The following PARN variants were observed in gnomAD, a reference collection of about 807,000 sequenced individuals.
The protein encoded by PARN is poly(A)-specific ribonuclease PARN.
A neutral mutation model predicts 102.8 loss-of-function variants in PARN; 71 were observed. That is an observed-to-expected ratio of 0.69 (90% CI 0.57 to 0.84). The LOEUF (loss-of-function observed/expected upper bound fraction) is 0.84. Ranked by LOEUF, PARN falls within the 40% of genes least tolerant of loss-of-function variation. The pLI is 0.00. For missense variants in PARN, 782 were observed against 760.9 expected, an observed-to-expected ratio of 1.03 and a Z score of -0.33; for synonymous variants, 261 against 252.9, an observed-to-expected ratio of 1.03 and a Z score of -0.30.
At chr16:14,450,537 T>C (rs541308563) in intron 22 of PARN, among the ~76,000 whole-genome samples, 179 of 151,888 alleles carry the variant, frequency 1.2e-3, no homozygotes, top group African/African-American at 3.7e-3. Flanking sequence ...CACACACACA[T>C]ATATATATAC....
intron 21 of PARN, among the ~76,000 whole-genome samples, chr16:14,516,476 C>T (rs910488337): frequency 3.3e-5 from 5 of 152,104 alleles, no homozygotes; most frequent in Non-Finnish European, 4.4e-5. Context: ...AAAAATTCAG[C>T]GCATCTGGTC....
At chr16:14,577,361 CAT>C (rs1193682920) in intron 18 of PARN, among the ~76,000 whole-genome samples, 5 of 152,164 alleles carry the variant, frequency 3.3e-5, no homozygotes, top group Admixed American at 2.0e-4. Flanking sequence ...TCAGTATTAA[CAT>C]AGAAAGAGAT....
chr16:14,510,310 T>G (rs1306934642), intron 21 of PARN, among the ~76,000 whole-genome samples: 1 of 152,220 alleles, frequency 6.6e-6, no homozygotes, highest in African/African-American at 2.4e-5. Flanking sequence ...CATATTCTCC[T>G]AACTGTAAAC....
chr16:14,582,171 T>C lies in PARN; in HGVS notation c.1192+10A>G, dbSNP rs1431920646. On this transcript the variant is annotated intron_variant, in intron 17 of 23. Coordinates refer to ENST00000437198, the MANE Select transcript of PARN (RefSeq NM_002582.4). ...ACTGCGTGTTTGACTGAAAGACATG[T>C]AATGCGTACCTAGGTAATTGGCCAT... is the stretch of plus-strand genomic sequence containing the variant. 1.3e-5 allele frequency: 20 copies of C among 1,526,732 alleles called. No homozygotes were observed. Among genetic ancestry groups the C allele is most frequent in the Admixed American group, 1.0e-4 (6 of 59,890 alleles). The allele number at this position is 1,526,732 out of a possible 1,614,324, so 94.6% of individuals were successfully genotyped here. A position where few individuals can be genotyped will look rare whatever the true frequency, so the allele number is the denominator to read the frequency against.
chr16:14,611,626 T>C (rs1971524488), intron 6 of PARN, among the ~76,000 whole-genome samples: 1 of 152,132 alleles, frequency 6.6e-6, no homozygotes, highest in Non-Finnish European at 1.5e-5. Flanking sequence ...CTGCAACCTC[T>C]GCCTCCCAGG....
intron 21 of PARN, among the ~76,000 whole-genome samples, chr16:14,487,267 G>A (rs1024135314): frequency 2.0e-5 from 3 of 152,250 alleles, no homozygotes; most frequent in Non-Finnish European, 2.9e-5. Context: ...TTGAAACCAG[G>A]ATGTGGCATT....
At position 14,557,920 on chromosome 16, in the gene PARN, C is replaced by T. The variant is rs142848090; in HGVS notation, c.1263-2211G>A. 3.3e-5 allele frequency among the ~76,000 whole-genome samples: 5 copies of T among 152,246 alleles called. No individual in the cohort carries two copies. The East Asian group carries it at 5.8e-4, about 18-fold the overall frequency. ...CTTAAATATTATTTTCCAGCATAAACGATACACACTGGAACTATCATTATT... is the reference window on the plus strand; with the variant it reads ...CTTAAATATTATTTTCCAGCATAAATGATACACACTGGAACTATCATTATT... On this transcript the variant is annotated intron_variant, in intron 18 of 23. Coordinates refer to ENST00000437198, the MANE Select transcript of PARN (RefSeq NM_002582.4).
intron 21 of PARN, among the ~76,000 whole-genome samples, chr16:14,532,702 G>A (rs1966410121): frequency 6.6e-6 from 1 of 151,894 alleles, no homozygotes; most frequent in South Asian, 2.1e-4. Context: ...AGACGGGGGG[G>A]CGACCGGGCA....
At chr16:14,534,386 T>G (rs1966519224) in intron 21 of PARN, among the ~76,000 whole-genome samples, 1 of 151,992 alleles carries the variant, frequency 6.6e-6, no homozygotes, top group Non-Finnish European at 1.5e-5. Flanking sequence ...CAAAGATAAA[T>G]CAGTAAGAAA....
At chr16:14,617,069 T>G (rs1164312338) in intron 6 of PARN, among the ~76,000 whole-genome samples, 1 of 149,398 alleles carries the variant, frequency 6.7e-6, no homozygotes, top group Non-Finnish European at 1.5e-5. Context: ...TGTTTTTTGT[T>G]TTTTTTTAAA....
chr16:14,572,662 C>A (rs1190344618), intron 18 of PARN, among the ~76,000 whole-genome samples: 3 of 152,172 alleles, frequency 2.0e-5, no homozygotes, highest in African/African-American at 2.4e-5. Flanking sequence ...AGCCATCATG[C>A]TTCTATTACG....
intron 21 of PARN, among the ~76,000 whole-genome samples, chr16:14,514,861 C>G (rs1230021529): frequency 6.6e-6 from 1 of 152,142 alleles, no homozygotes; most frequent in Non-Finnish European, 1.5e-5. Context: ...CTGGAATAAG[C>G]AAGCATATAG....
At chr16:14,566,913 G>T (rs552946490) in intron 18 of PARN, among the ~76,000 whole-genome samples, 1 of 152,324 alleles carries the variant, frequency 6.6e-6, no homozygotes, top group African/African-American at 2.4e-5. Context: ...TGGCAATCAA[G>T]ATCACAAGGC....
At chr16:14,617,052 C>T (rs1971948874) in intron 6 of PARN, among the ~76,000 whole-genome samples, 1 of 146,844 alleles carries the variant, frequency 6.8e-6, no homozygotes, top group Non-Finnish European at 1.5e-5. Flanking sequence ...TAGCTCATGG[C>T]TGATTATGTT....
At chr16:14,563,178 T>C (rs987640457) in intron 18 of PARN, among the ~76,000 whole-genome samples, 2 of 152,198 alleles carry the variant, frequency 1.3e-5, no homozygotes, top group Admixed American at 6.5e-5. Context: ...AAATCACAGA[T>C]TTGATTCACA....
At chr16:14,560,824 G>T (rs1287343380) in intron 18 of PARN, among the ~76,000 whole-genome samples, 2 of 152,178 alleles carry the variant, frequency 1.3e-5, no homozygotes, top group Non-Finnish European at 2.9e-5. Context: ...GTGCTGGGTG[G>T]CACTCACAAA....
chr16:14,515,649 A>G (rs1965420777), intron 21 of PARN, among the ~76,000 whole-genome samples: 1 of 152,182 alleles, frequency 6.6e-6, no homozygotes, highest in Non-Finnish European at 1.5e-5. Flanking sequence ...ATGAAAGAAC[A>G]TTAAGGCTAG....
intron 6 of PARN, among the ~76,000 whole-genome samples, chr16:14,615,674 GTGA>G: frequency 6.6e-6 from 1 of 152,182 alleles, no homozygotes; most frequent in Non-Finnish European, 1.5e-5. Context: ...GCAAAGGTAA[GTGA>G]ATCACTTGAG....
chr16:14,550,551 A>G (rs1967230337), intron 21 of PARN, among the ~76,000 whole-genome samples: 1 of 152,210 alleles, frequency 6.6e-6, no homozygotes, highest in African/African-American at 2.4e-5. Flanking sequence ...CTGCAGTATG[A>G]TTCCAAAAGC....
Sources: allele counts gnomAD v4.1 joint callset (sites outside exome capture counted in the v4.1 genomes callset), GRCh38; gene constraint gnomAD v4.1.1; transcripts MANE v1.5; gene names NCBI Gene and HGNC (gene_info 2026-07-23, HGNC 2026-07-21).